Variants in TFCP2L1 observed in about 807,000 individuals in gnomAD.
TFCP2L1 encodes transcription factor CP2-like protein 1.
A neutral mutation model predicts 72.2 loss-of-function variants in TFCP2L1; 12 were observed. That is an observed-to-expected ratio of 0.17 (90% confidence interval 0.11 to 0.27). The LOEUF is 0.27. TFCP2L1 is among the 10% of genes least tolerant of loss of function. The pLI, the probability that TFCP2L1 is intolerant of heterozygous loss-of-function variation, is 1.00. For synonymous variants in TFCP2L1, 260 were observed against 251.0 expected, an observed-to-expected ratio of 1.04 and a Z score of -0.34; for missense variants, 488 against 624.6, an observed-to-expected ratio of 0.78 and a Z score of 2.33.
In TFCP2L1 at chr2:121,263,830, C is replaced by T. The variant is rs1405094549; in HGVS notation, c.215-14183G>A. Among the ~76,000 whole-genome samples the T allele has an allele frequency of 2.0e-5, 3 of 152,228 alleles. No homozygotes were observed. The East Asian group carries it at 5.8e-4, about 29-fold the overall frequency. On this transcript the variant is annotated intron_variant, in intron 2 of 14. Transcript: ENST00000263707. ...TGGAGCCAGGGATAACATCAGCTGC[C>T]TCTGAGGAGGGGCACTGGGTGCCTG...
At chr2:121,258,001 C>T (rs1375254003) in intron 2 of TFCP2L1, among the ~76,000 whole-genome samples, 2 of 152,098 alleles carry the variant, frequency 1.3e-5, no homozygotes, top group Admixed American at 6.5e-5. Flanking sequence ...ACTGGTATGT[C>T]GTCGGTTTTT....
intron 7 of TFCP2L1, 81 bp from the exon 8 acceptor site, chr2:121,239,730 A>G: frequency 2.2e-6 from 3 of 1,344,180 alleles, no homozygotes; most frequent in Non-Finnish European, 3.1e-6. Context: ...GCAGGCATGC[A>G]CTGACACCAA....
intron 5 of TFCP2L1, 68 bp from the exon 6 acceptor site, chr2:121,247,038 GC>G: frequency 6.3e-7 from 1 of 1,580,496 alleles, no homozygotes; most frequent in Non-Finnish European, 8.6e-7. Flanking sequence ...TCCCCCAAGC[GC>G]CCCCTCTATT....
At chr2:121,278,312 A>G (rs1328985651) in intron 2 of TFCP2L1, among the ~76,000 whole-genome samples, 1 of 149,444 alleles carries the variant, frequency 6.7e-6, no homozygotes, top group Non-Finnish European at 1.5e-5. Context: ...CTGGGATTAC[A>G]GGCGTGAGCC....
intron 2 of TFCP2L1, among the ~76,000 whole-genome samples, chr2:121,269,274 T>G (rs957715329): frequency 1.3e-5 from 2 of 149,866 alleles, no homozygotes; most frequent in African/African-American, 4.9e-5. Flanking sequence ...CATGGCAGAA[T>G]CCCAACTCTA....
In TFCP2L1 at chr2:121,237,688, T is replaced by C; in HGVS notation, c.938A>G (p.Asp313Gly). ...DHLLPSASIQ[D>G]AQQWLHRNRF... ...GTTGCGGTGAAGCCACTGCTGGGCA[T>C]CCTGGATCGAAGCTGATGGGAGCAG... The change falls in exon 10 of 15, where the codon GAT becomes GGT. Residue 313 changes from aspartate to glycine, a missense_variant. Asp to Gly is a moderately conservative substitution (Grantham distance 94). This residue lies in a region of TFCP2L1 where 286 missense variants were observed against 329.0 expected (regional missense o/e 0.87). Coordinates refer to ENST00000263707, the MANE Select transcript of TFCP2L1 (RefSeq NM_014553.3). 6.2e-7 allele frequency: 1 copy of C among 1,614,172 alleles called. No individual in the cohort carries two copies. The highest frequency in any genetic ancestry group is 2.2e-5 in the East Asian group (1 of 44,878).
At chr2:121,230,852 G>T (rs1342790990) in intron 13 of TFCP2L1, among the ~76,000 whole-genome samples, 4 of 152,114 alleles carry the variant, frequency 2.6e-5, no homozygotes, top group African/African-American at 9.7e-5. Context: ...GAGGCAGGAG[G>T]ATCACTTGAG....
intron 2 of TFCP2L1, among the ~76,000 whole-genome samples, chr2:121,272,219 G>A (rs1687061135): frequency 6.6e-6 from 1 of 152,154 alleles, no homozygotes; most frequent in African/African-American, 2.4e-5. Context: ...CCTCTCAGCT[G>A]GTCATCTGTA....
chr2:121,252,278 C>T (rs1170248015), intron 2 of TFCP2L1, among the ~76,000 whole-genome samples: 2 of 152,142 alleles, frequency 1.3e-5, no homozygotes, highest in East Asian at 3.9e-4. Context: ...AACTCCTGGG[C>T]TCAAGTGATC....
chr2:121,217,357 G>C lies in TFCP2L1; in HGVS notation c.*6984C>G, dbSNP rs1157253524. 1 of 152,296 alleles carries C rather than the reference G, an allele frequency of 6.6e-6. No individual in the cohort carries two copies. Among genetic ancestry groups the C allele is most frequent in the East Asian group, 1.9e-4 (1 of 5,194 alleles). The allele number at this position is 152,296 out of a possible 1,614,324, so 9.4% of individuals were successfully genotyped here. A position where few individuals can be genotyped will look rare whatever the true frequency, so the allele number is the denominator to read the frequency against. ...CTGCAGTGGCTGCTGTCTGCCCCTG[G>C]AGTGAAGACACCAGGGGTGCACAGA... is the stretch of plus-strand genomic sequence containing the variant. On this transcript the variant is annotated 3_prime_UTR_variant, in exon 15 of 15. Coordinates refer to ENST00000263707, the MANE Select transcript of TFCP2L1 (RefSeq NM_014553.3).
chr2:121,237,284 G>A (rs1686268995), intron 10 of TFCP2L1, among the ~76,000 whole-genome samples: 1 of 152,200 alleles, frequency 6.6e-6, no homozygotes, highest in African/African-American at 2.4e-5. Flanking sequence ...ATTTGGGTAG[G>A]AAAAGCATAA....
At chr2:121,229,333 A>AG (rs1686095906) in intron 13 of TFCP2L1, among the ~76,000 whole-genome samples, 1 of 152,218 alleles carries the variant, frequency 6.6e-6, no homozygotes, top group Admixed American at 6.5e-5. Flanking sequence ...GGAGAAAAGA[A>AG]GGGGGAGGTA....
chr2:121,273,259 C>T (rs1231043114), intron 2 of TFCP2L1, among the ~76,000 whole-genome samples: 1 of 152,148 alleles, frequency 6.6e-6, no homozygotes, highest in South Asian at 2.1e-4. Context: ...AATCCCCATG[C>T]AGATTGCCTG....
At chr2:121,268,696 T>A (rs1686983083) in intron 2 of TFCP2L1, among the ~76,000 whole-genome samples, 1 of 151,690 alleles carries the variant, frequency 6.6e-6, no homozygotes, top group East Asian at 1.9e-4. Flanking sequence ...GCTGGGTACA[T>A]CCAACTCCAA....
intron 1 of TFCP2L1, among the ~76,000 whole-genome samples, chr2:121,283,398 G>A (rs573101111): frequency 6.6e-6 from 1 of 152,248 alleles, no homozygotes; most frequent in East Asian, 1.9e-4. Flanking sequence ...CCGCCACCTT[G>A]GCCCTCACTG....
intron 14 of TFCP2L1, 79 bp from the exon 15 acceptor site, chr2:121,224,466 G>A (rs1025238122): frequency 4.0e-5 from 58 of 1,468,272 alleles, no homozygotes; most frequent in Non-Finnish European, 4.4e-5. Flanking sequence ...CAAAAGGCAC[G>A]CTGTTAGGGT....
chr2:121,261,183 T>A (rs778387914), intron 2 of TFCP2L1, among the ~76,000 whole-genome samples: 23 of 152,234 alleles, frequency 1.5e-4, no homozygotes, highest in Non-Finnish European at 3.2e-4. Context: ...CTGAGCCTGA[T>A]GGACTATCAC....
chr2:121,224,070 A>T lies in TFCP2L1; in HGVS notation c.*271T>A. ...CGTCTCCACTGTTTGCCCTTTTAGA[A>T]CGTCAGGGTTGGACCAATAGAAAAG... On this transcript the variant is annotated 3_prime_UTR_variant, in exon 15 of 15. Coordinates refer to ENST00000263707, the MANE Select transcript of TFCP2L1 (RefSeq NM_014553.3). 1 of 520,908 alleles carries T rather than the reference A, an allele frequency of 1.9e-6. No homozygotes were observed. The highest frequency in any genetic ancestry group is 2.5e-5 in the South Asian group (1 of 39,658). 32.3% of individuals were successfully genotyped at this position (520,908 alleles called of 1,614,324 possible).
chr2:121,229,664 C>A (rs1215282599), intron 13 of TFCP2L1, among the ~76,000 whole-genome samples: 3 of 152,240 alleles, frequency 2.0e-5, no homozygotes, highest in African/African-American at 7.2e-5. Context: ...AATGACACCA[C>A]CCACGACTTG....
Sources: gnomAD v4.1 joint callset for allele counts (sites outside exome capture counted in the v4.1 genomes callset) on GRCh38, gnomAD v4.1.1 for gene constraint, gnomAD v4.1.1 regional missense constraint, MANE v1.5 for transcripts, NCBI Gene and HGNC (gene_info 2026-07-23, HGNC 2026-07-21) for gene names.